The following LGALS8 variants were observed in gnomAD, a reference collection of about 807,000 sequenced individuals.
The protein encoded by LGALS8 is galectin-8.
Under a neutral mutation model 35.9 loss-of-function variants are expected in LGALS8, and 30 were observed. The ratio of observed to expected loss-of-function variants is 0.83; its 90% CI spans 0.62 to 1.13. LGALS8 has a LOEUF of 1.13. Among genes scored for constraint, LGALS8 ranks in the 50% most tolerant of loss-of-function variants. LGALS8 has a pLI of 0.00. For synonymous variants in LGALS8, 138 were observed against 136.1 expected (o/e 1.01, Z -0.10); for missense variants, 366 against 388.7 (o/e 0.94, Z 0.49).
intron 2 of LGALS8, among the ~76,000 whole-genome samples, chr1:236,529,622 G>GTT (rs11316979): frequency 0.027 from 3,045 of 114,656 alleles, 49 homozygotes; most frequent in Non-Finnish European, 0.035. Flanking sequence ...TTCCTTTTCT[G>GTT]TTTTTTTTTT....
At chr1:236,543,501 G>A (rs1553278073) in intron 7 of LGALS8, 59 bp from the exon 8 acceptor site, 6 of 1,250,080 alleles carry the variant, frequency 4.8e-6, no homozygotes, top group Non-Finnish European at 7.1e-6. Flanking sequence ...TTGGACACGA[G>A]TTTTCCCTGG....
At chr1:236,544,550 T>TA (rs1662239909) in intron 8 of LGALS8, among the ~76,000 whole-genome samples, 200 bp from the exon 9 acceptor site, 1 of 152,152 alleles carries the variant, frequency 6.6e-6, no homozygotes, top group African/African-American at 2.4e-5. Context: ...TTCGTATTTT[T>TA]ATTTTGCAAG....
Position 236,551,886 on chromosome 1 carries a change from T to G in LGALS8, c.*3725T>G. The G allele has an allele frequency of 1.4e-6, 1 of 722,274 alleles. No individual in the cohort carries two copies. Among genetic ancestry groups the G allele is most frequent in the South Asian group, 1.7e-5 (1 of 58,988 alleles). The allele number at this position is 722,274 out of a possible 1,614,324, so 44.7% of individuals were successfully genotyped here. On this transcript the variant is annotated 3_prime_UTR_variant, in exon 10 of 10. Transcript: ENST00000366584. ...TGGAGCTGCCTGTATGAGGACTGGA[T>G]CAACTGCTAGTCACGTTATATCCAA...
intron 4 of LGALS8, among the ~76,000 whole-genome samples, chr1:236,539,414 C>T (rs66675787): frequency 0.61 from 92,523 of 151,742 alleles, 29,086 homozygotes; most frequent in Non-Finnish European, 0.69. Context: ...AATATAACCG[C>T]CACCACCCGA....
intron 5 of LGALS8, 115 bp downstream of exon 5, chr1:236,540,798 G>A: frequency 9.1e-7 from 1 of 1,101,432 alleles, no homozygotes; most frequent in Non-Finnish European, 1.3e-6. Context: ...CTCCCTGACT[G>A]TAGTATTAAT....
intron 2 of LGALS8, among the ~76,000 whole-genome samples, chr1:236,530,347 C>T (rs1188357293): frequency 6.6e-6 from 1 of 152,150 alleles, no homozygotes; most frequent in Non-Finnish European, 1.5e-5. Flanking sequence ...TACCTTCTAG[C>T]CTTTGTGCTG....
chr1:236,527,304 T>C (rs1660867406), intron 2 of LGALS8, among the ~76,000 whole-genome samples: 1 of 152,192 alleles, frequency 6.6e-6, no homozygotes, highest in Non-Finnish European at 1.5e-5. Context: ...ATTCCTGTAG[T>C]TTCTGGGGTC....
At chr1:236,535,985 T>C (rs819430) in intron 2 of LGALS8, among the ~76,000 whole-genome samples, 151,839 of 152,294 alleles carry the variant, frequency 1, 75,695 homozygotes, top group Middle Eastern at 1. Context: ...GTAAAGGTGA[T>C]GAGCCAGTTC....
chr1:236,540,520 T>A (rs1661915387), intron 4 of LGALS8, 44 bp from the exon 5 acceptor site: 1 of 1,442,610 alleles, frequency 6.9e-7, no homozygotes, highest in Admixed American at 2.8e-5. Context: ...ATTAACTGTT[T>A]TTTTTTGGTG....
intron 2 of LGALS8, among the ~76,000 whole-genome samples, chr1:236,527,172 T>C (rs931672068): frequency 4.6e-5 from 7 of 152,194 alleles, no homozygotes; most frequent in African/African-American, 1.7e-4. Flanking sequence ...GTCTGAAGTA[T>C]CATCTTGGCT....
intron 9 of LGALS8, among the ~76,000 whole-genome samples, chr1:236,547,560 CA>C (rs1662449396): frequency 8.1e-5 from 2 of 24,740 alleles, no homozygotes; most frequent in Non-Finnish European, 3.1e-4. Flanking sequence ...GCAGAAAAGT[CA>C]GTCAGGATCC....
intron 5 of LGALS8, among the ~76,000 whole-genome samples, chr1:236,541,095 T>A (rs1661962343): frequency 6.6e-6 from 1 of 152,196 alleles, no homozygotes; most frequent in Non-Finnish European, 1.5e-5. Context: ...ATATACTGTA[T>A]TTTTACCATA....
intron 8 of LGALS8, 26 bp from the exon 9 acceptor site, chr1:236,544,724 T>TTTG: frequency 1.5e-6 from 2 of 1,372,700 alleles, no homozygotes; most frequent in Non-Finnish European, 1.9e-6. Context: ...TAATTAAGGT[T>TTTG]TTTTTTTTTC....
chr1:236,543,990 G>A (rs951901624), intron 8 of LGALS8, among the ~76,000 whole-genome samples: 1 of 151,722 alleles, frequency 6.6e-6, no homozygotes, highest in African/African-American at 2.4e-5. Flanking sequence ...TGTCACCCAG[G>A]CTGGAGTGCA....
In LGALS8 at chr1:236,549,136, T is replaced by C. The variant is rs1173696316; in HGVS notation, c.*975T>C. 1 of 396,674 alleles carries C rather than the reference T, an allele frequency of 2.5e-6. No individual in the cohort carries two copies. The highest frequency in any genetic ancestry group is 2.1e-5 in the African/African-American group (1 of 48,604). The allele number at this position is 396,674 out of a possible 1,614,324, so 24.6% of individuals were successfully genotyped here. A position where few individuals can be genotyped will look rare whatever the true frequency, so the allele number is the denominator to read the frequency against. On this transcript the variant is annotated 3_prime_UTR_variant, in exon 10 of 10. Coordinates refer to ENST00000366584, the MANE Select transcript of LGALS8 (RefSeq NM_201544.4). ...AAAGCAGGCAGAGGTAATGCAGAAATCTGTTTTGTTCCCATGAAATCACCA... is the reference window on the plus strand; with the variant it reads ...AAAGCAGGCAGAGGTAATGCAGAAACCTGTTTTGTTCCCATGAAATCACCA...
upstream of LGALS8, among the ~76,000 whole-genome samples, chr1:236,520,081 C>T (rs142409659): frequency 4.7e-3 from 708 of 151,200 alleles, 2 homozygotes; most frequent in African/African-American, 0.016. Context: ...CTCAGCCTCC[C>T]GAGTAGCTGA....
At chr1:236,524,281 G>A (rs1660680463) in intron 1 of LGALS8, 3 of 438,602 alleles carry the variant, frequency 6.8e-6, no homozygotes, top group South Asian at 3.2e-5. Flanking sequence ...GAGGCGCTCC[G>A]GGGCATAAGG....
At chr1:236,534,748 G>A (rs977886286) in intron 2 of LGALS8, among the ~76,000 whole-genome samples, 2 of 152,106 alleles carry the variant, frequency 1.3e-5, no homozygotes, top group African/African-American at 4.8e-5. Context: ...AAACAGTTGT[G>A]AACAAGGTAT....
chr1:236,545,511 C>CTCAA (rs1478013559), intron 9 of LGALS8, among the ~76,000 whole-genome samples: 2 of 152,186 alleles, frequency 1.3e-5, no homozygotes, highest in African/African-American at 2.4e-5. Flanking sequence ...TTTGGCCAGC[C>CTCAA]TCAATCACCA....
Sources: gnomAD v4.1 joint callset for allele counts (sites outside exome capture counted in the v4.1 genomes callset) on GRCh38, gnomAD v4.1.1 for gene constraint, MANE v1.5 for transcripts, NCBI Gene and HGNC (gene_info 2026-07-23, HGNC 2026-07-21) for gene names.